The following MYOM1 variants were observed in gnomAD, a reference collection of about 807,000 sequenced individuals.
MYOM1 encodes myomesin 1.
MYOM1 carries 164 observed loss-of-function variants against 205.3 expected under a neutral mutation model. The observed-to-expected ratio is 0.80, with a 90% confidence interval of 0.70 to 0.91. MYOM1 has a LOEUF of 0.91. Ranked by LOEUF, MYOM1 falls within the 40% of genes least tolerant of loss-of-function variation. The pLI, the probability that MYOM1 is intolerant of heterozygous loss-of-function variation, is 0.00. For missense variants in MYOM1, 2,011 were observed against 2,127.3 expected (o/e 0.95, Z 1.08); for synonymous variants, 772 against 789.4 (o/e 0.98, Z 0.37).
intron 2 of MYOM1, among the ~76,000 whole-genome samples, chr18:3,202,200 A>C (rs73377240): frequency 0.025 from 3,843 of 152,306 alleles, 125 homozygotes; most frequent in African/African-American, 0.08. Flanking sequence ...CAAAGAATAT[A>C]GTCAAGAAAC....
chr18:3,202,512 G>A (rs1360127919), intron 2 of MYOM1, among the ~76,000 whole-genome samples: 1 of 152,104 alleles, frequency 6.6e-6, no homozygotes, highest in Non-Finnish European at 1.5e-5. Flanking sequence ...CAAATGGTAA[G>A]CTATAGTAAT....
chr18:3,190,932 T>A (rs1297487668), intron 3 of MYOM1, among the ~76,000 whole-genome samples: 2 of 152,168 alleles, frequency 1.3e-5, no homozygotes, highest in Admixed American at 6.5e-5. Flanking sequence ...CCAAATGAAG[T>A]GATAGTCTCC....
chr18:3,083,081 A>G (rs978271548), intron 33 of MYOM1, among the ~76,000 whole-genome samples: 1 of 152,212 alleles, frequency 6.6e-6, no homozygotes, highest in Non-Finnish European at 1.5e-5. Context: ...AAAGGTAAGA[A>G]TGTGGCTCCA....
rs1207844401 is a variant in MYOM1 at position 3,071,925 on chromosome 18, T to C, written c.4709-36A>G. 1.9e-6 allele frequency: 3 copies of C among 1,580,064 alleles called. No homozygotes were observed. In the African/African-American group the frequency reaches 4.0e-5, roughly 21 times the overall value. On this transcript the variant is annotated intron_variant, in intron 36 of 37. Transcript: ENST00000356443. ...AGGCATTTTGGGTTAATCACTGCAGTGGCAAGGCCAGCGGTCATACTCACA... is the reference window on the plus strand; with the variant it reads ...AGGCATTTTGGGTTAATCACTGCAGCGGCAAGGCCAGCGGTCATACTCACA...
chr18:3,157,535 G>C (rs1013988114), intron 10 of MYOM1, among the ~76,000 whole-genome samples: 16 of 151,800 alleles, frequency 1.1e-4, no homozygotes, highest in African/African-American at 3.6e-4. Flanking sequence ...AAAATAGCCA[G>C]GTGTGGTAGT....
chr18:3,223,003 C>T (rs934147208), upstream of MYOM1, among the ~76,000 whole-genome samples: 20 of 152,266 alleles, frequency 1.3e-4, no homozygotes, highest in African/African-American at 4.8e-4. Context: ...CCACCTCAGC[C>T]TCCCGAGTAG....
At chr18:3,143,700 A>G (rs1448483737) in intron 13 of MYOM1, among the ~76,000 whole-genome samples, 1 of 152,018 alleles carries the variant, frequency 6.6e-6, no homozygotes, top group African/African-American at 2.4e-5. Flanking sequence ...CAGGAGTTTG[A>G]GATGAGCCTG....
intron 19 of MYOM1, among the ~76,000 whole-genome samples, chr18:3,124,752 A>G (rs897005475): frequency 6.6e-6 from 1 of 152,202 alleles, no homozygotes; most frequent in Admixed American, 6.5e-5. Flanking sequence ...TAAGTGGCAA[A>G]ATAGTATAGC....
chr18:3,148,814 C>T (rs1198782459), intron 13 of MYOM1, among the ~76,000 whole-genome samples: 1 of 136,682 alleles, frequency 7.3e-6, no homozygotes, highest in Non-Finnish European at 1.5e-5. Flanking sequence ...CCATTGCACT[C>T]CACCCTGGGC....
intron 13 of MYOM1, among the ~76,000 whole-genome samples, chr18:3,143,905 A>G (rs2143951370): frequency 6.7e-6 from 1 of 148,820 alleles, no homozygotes; most frequent in Middle Eastern, 3.4e-3. Flanking sequence ...TGTCTCAAAA[A>G]AAAAAAAAAA....
In MYOM1 at chr18:3,079,345, G is replaced by A. The variant is rs772027922; in HGVS notation, c.4485-3C>T. 1.2e-6 allele frequency: 2 copies of A among 1,601,720 alleles called. No homozygotes were observed. The highest frequency in any genetic ancestry group is 1.1e-5 in the South Asian group (1 of 90,032). ...CTGAGTACCTAATGGCGGACCCACT[G>A]TGAAAATCGAAGAAAACTTCCTTAG... On this transcript the variant is annotated splice_region_variant and splice_polypyrimidine_tract_variant and intron_variant, in intron 33 of 37. Coordinates refer to ENST00000356443, the MANE Select transcript of MYOM1 (RefSeq NM_003803.4).
intron 8 of MYOM1, among the ~76,000 whole-genome samples, chr18:3,169,760 A>G (rs1045600412): frequency 2.6e-5 from 4 of 152,156 alleles, no homozygotes; most frequent in Admixed American, 1.3e-4. Context: ...AAAAATAAAA[A>G]ATTTCCATAT....
Position 3,116,324 on chromosome 18 carries a change from C to T in MYOM1, c.3303+7G>A. 6.2e-7 allele frequency: 1 copy of T among 1,609,906 alleles called. No individual in the cohort carries two copies. The highest frequency in any genetic ancestry group is 8.5e-7 in the Non-Finnish European group (1 of 1,178,942). On this transcript the variant is annotated splice_region_variant and intron_variant, in intron 21 of 37. Transcript: ENST00000356443. ...AGAGGAAGCTCTAGAACTGAGCAGC[C>T]TCTTACCTTCAGGTATACGTTTTTA...
intron 10 of MYOM1, among the ~76,000 whole-genome samples, chr18:3,160,821 A>C (rs2080380747): frequency 6.6e-6 from 1 of 152,148 alleles, no homozygotes; most frequent in South Asian, 2.1e-4. Context: ...TTAAGTATAA[A>C]TTTTAAATTG....
chr18:3,170,157 G>C (rs1298904118), intron 8 of MYOM1, among the ~76,000 whole-genome samples: 2 of 152,136 alleles, frequency 1.3e-5, no homozygotes, highest in African/African-American at 2.4e-5. Flanking sequence ...TGTAGTGCAA[G>C]GGGAAATAAA....
chr18:3,224,353 A>T (rs1435448072), upstream of MYOM1, among the ~76,000 whole-genome samples: 12 of 152,186 alleles, frequency 7.9e-5, no homozygotes. Flanking sequence ...TGTTGAGTGT[A>T]TCTGGGCAAT....
chr18:3,123,744 G>A (rs868390590), intron 19 of MYOM1, among the ~76,000 whole-genome samples: 1 of 151,276 alleles, frequency 6.6e-6, no homozygotes, highest in African/African-American at 2.4e-5. Context: ...AGGGCTAAGA[G>A]TAGCTCTGGA....
the MYOM1 span, among the ~76,000 whole-genome samples, chr18:3,241,002 A>T: frequency 6.6e-6 from 1 of 152,220 alleles, no homozygotes; most frequent in Non-Finnish European, 1.5e-5. Context: ...CTGGCAGAAG[A>T]AATTTCTAAG....
At chr18:3,130,448 TTTTA>T (rs1176276824) in intron 17 of MYOM1, among the ~76,000 whole-genome samples, 4 of 152,086 alleles carry the variant, frequency 2.6e-5, no homozygotes, top group Admixed American at 2.0e-4. Context: ...ATAAATTTTA[TTTTA>T]TTTATTTATT....
Sources: gnomAD v4.1 joint callset for allele counts (sites outside exome capture counted in the v4.1 genomes callset) on GRCh38, gnomAD v4.1.1 for gene constraint, MANE v1.5 for transcripts, NCBI Gene and HGNC (gene_info 2026-07-23, HGNC 2026-07-21) for gene names.